Variants in TRUB1 observed in about 807,000 individuals in gnomAD.
TRUB1 encodes TruB pseudouridine synthase family member 1.
TRUB1 carries 23 observed loss-of-function variants against 33.9 expected under a neutral mutation model. The ratio of observed to expected loss-of-function variants is 0.68; its 90% confidence interval spans 0.49 to 0.96. The LOEUF is 0.96. Ranked by LOEUF, TRUB1 falls within the 40% of genes least tolerant of loss-of-function variation. TRUB1 has a pLI of 0.00. For synonymous variants in TRUB1, 163 were observed against 165.4 expected, an observed-to-expected ratio of 0.99 and a Z score of 0.11; for missense variants, 378 against 422.2, an observed-to-expected ratio of 0.90 and a Z score of 0.92.
intron 3 of TRUB1, among the ~76,000 whole-genome samples, chr10:114,957,625 G>A (rs2084267211): frequency 6.6e-6 from 1 of 152,180 alleles, no homozygotes; most frequent in African/African-American, 2.4e-5. Flanking sequence ...GCTGAATAAG[G>A]TTTGATCCTT....
intron 2 of TRUB1, among the ~76,000 whole-genome samples, chr10:114,947,700 CTTTATT>C (rs2084217115): frequency 1.3e-5 from 2 of 152,072 alleles, no homozygotes; most frequent in Admixed American, 1.3e-4. Context: ...TCTTTGTAAA[CTTTATT>C]TTTAATGGCT....
At chr10:114,952,231 G>A (rs1359869499) in intron 3 of TRUB1, among the ~76,000 whole-genome samples, 1 of 151,990 alleles carries the variant, frequency 6.6e-6, no homozygotes, top group Non-Finnish European at 1.5e-5. Context: ...TTGAGGTCAG[G>A]ATTTCGAGAC....
intron 4 of TRUB1, among the ~76,000 whole-genome samples, chr10:114,962,627 G>T (rs1430579432): frequency 2.0e-5 from 3 of 152,192 alleles, no homozygotes; most frequent in Non-Finnish European, 4.4e-5. Context: ...GACACCAGCT[G>T]CCTTCAGTGG....
chr10:114,974,255 T>G (rs2084350014), intron 6 of TRUB1, 74 bp from the exon 7 acceptor site: 3 of 1,101,228 alleles, frequency 2.7e-6, no homozygotes, highest in African/African-American at 3.2e-5. Flanking sequence ...TACATTTGTT[T>G]AGGGACATCA....
chr10:114,970,362 T>TG lies in TRUB1; in HGVS notation c.524-4dup, dbSNP rs998494450. On this transcript the variant is annotated splice_region_variant and splice_polypyrimidine_tract_variant and intron_variant, in intron 4 of 7. Coordinates refer to ENST00000298746, the MANE Select transcript of TRUB1 (RefSeq NM_139169.5). ...TTTTAGTGTCTTTTTTGTTGATTTT[T>TG]GGCAGATAAAATAACACAAGAAGAT... The TG allele has an allele frequency of 6.2e-7, 1 of 1,600,746 alleles. No homozygotes were observed. The highest frequency in any genetic ancestry group is 8.5e-7 in the Non-Finnish European group (1 of 1,169,904).
At chr10:114,950,751 T>C (rs2084231582) in intron 2 of TRUB1, among the ~76,000 whole-genome samples, 1 of 152,230 alleles carries the variant, frequency 6.6e-6, no homozygotes, top group Admixed American at 6.5e-5. Context: ...TGAACATGGT[T>C]AATTGTGCCG....
rs1213766269 is a variant in TRUB1, at chr10:114,959,738, A to G, written c.454A>G (p.Ile152Val). The change falls in exon 4 of 8, where the codon ATT (isoleucine) becomes GTT (valine). Residue 152 changes from isoleucine to valine, a missense_variant. Ile to Val is a conservative substitution (Grantham distance 29, BLOSUM62 3). Transcript: ENST00000298746. ...MLSGSKRYTAIGELGKATDTL... is the reference protein window; with the variant it reads ...MLSGSKRYTAVGELGKATDTL... ...TCCCTTCCTCTAGAGATATACTGCC[A>G]TTGGAGAACTGGGGAAAGCTACTGA... The G allele has an allele frequency of 5.0e-6, 8 of 1,607,510 alleles. No individual in the cohort carries two copies. The highest frequency in any genetic ancestry group is 6.8e-6 in the Non-Finnish European group (8 of 1,174,152).
intron 4 of TRUB1, among the ~76,000 whole-genome samples, chr10:114,969,973 T>TA (rs560184806): frequency 1.2e-3 from 184 of 152,318 alleles, no homozygotes; most frequent in Non-Finnish European, 2.4e-3. Context: ...GAAAAGAACT[T>TA]ACGGGGATTA....
At chr10:114,958,195 C>G (rs1203746329) in intron 3 of TRUB1, among the ~76,000 whole-genome samples, 1 of 152,196 alleles carries the variant, frequency 6.6e-6, no homozygotes, top group African/African-American at 2.4e-5. Context: ...TGTTGTACTT[C>G]TCTCATACTT....
At position 114,938,359 on chromosome 10, in the gene TRUB1, T is replaced by C; in HGVS notation, c.106T>C (p.Ser36Pro). ...GTVAAMAATPSARAAAAVVAA... is the reference protein window; with the variant it reads ...GTVAAMAATPPARAAAAVVAA... ...GGTCGCAGCAATGGCTGCGACCCCG[T>C]CAGCAAGGGCTGCAGCCGCGGTGGT... Residue 36 changes from serine to proline, a missense_variant, in exon 1 of 8, where the codon TCA becomes CCA. Coordinates refer to ENST00000298746, the MANE Select transcript of TRUB1 (RefSeq NM_139169.5). 6.2e-7 allele frequency: 1 copy of C among 1,611,230 alleles called. No homozygotes were observed. Among genetic ancestry groups the C allele is most frequent in the Non-Finnish European group, 8.5e-7 (1 of 1,178,932 alleles).
At chr10:114,972,355 G>C in intron 6 of TRUB1, 81 bp downstream of exon 6, 1 of 1,402,986 alleles carries the variant, frequency 7.1e-7, no homozygotes, top group Non-Finnish European at 9.6e-7. Flanking sequence ...CATTTTAATA[G>C]ATCCGTAGGA....
intron 3 of TRUB1, among the ~76,000 whole-genome samples, chr10:114,954,966 C>G (rs1205155750): frequency 6.6e-6 from 1 of 151,420 alleles, no homozygotes; most frequent in African/African-American, 2.4e-5. Flanking sequence ...ATATTGCACT[C>G]ATCAGAAAGA....
At chr10:114,955,657 T>A (rs2084258700) in intron 3 of TRUB1, among the ~76,000 whole-genome samples, 1 of 152,150 alleles carries the variant, frequency 6.6e-6, no homozygotes, top group Non-Finnish European at 1.5e-5. Flanking sequence ...CACAGTAACA[T>A]TTTTAGGTTA....
At chr10:114,956,290 C>T (rs1253162685) in intron 3 of TRUB1, among the ~76,000 whole-genome samples, 4 of 152,130 alleles carry the variant, frequency 2.6e-5, no homozygotes, top group Non-Finnish European at 5.9e-5. Context: ...GTAGAATTCA[C>T]GGTTCCCAGG....
chr10:114,951,946 TA>T (rs995546565), intron 3 of TRUB1, among the ~76,000 whole-genome samples: 2 of 152,220 alleles, frequency 1.3e-5, no homozygotes, highest in South Asian at 2.1e-4. Context: ...TTTGTTTCTT[TA>T]AAAAAATCTG....
chr10:114,965,130 C>T (rs1002884811), intron 4 of TRUB1, among the ~76,000 whole-genome samples: 6 of 151,894 alleles, frequency 4.0e-5, no homozygotes, highest in African/African-American at 9.7e-5. Flanking sequence ...GAGGTTTCAC[C>T]GTGTTAGCCA....
chr10:114,952,310 A>G (rs1222507997), intron 3 of TRUB1, among the ~76,000 whole-genome samples: 2 of 152,192 alleles, frequency 1.3e-5, no homozygotes, highest in Admixed American at 1.3e-4. Flanking sequence ...GCGTGGTGCT[A>G]TACACCTTTA....
At chr10:114,948,872 A>G (rs888278275) in intron 2 of TRUB1, among the ~76,000 whole-genome samples, 25 of 152,178 alleles carry the variant, frequency 1.6e-4, no homozygotes, top group African/African-American at 6.0e-4. Context: ...TCATCCTTGT[A>G]TCTGAGAGTT....
chr10:114,974,282 A>G, intron 6 of TRUB1, 47 bp from the exon 7 acceptor site: 1 of 1,432,806 alleles, frequency 7.0e-7, no homozygotes, highest in Non-Finnish European at 9.8e-7. Context: ...TGTAAAGTGG[A>G]TTTCATAGGA....
Sources: allele counts gnomAD v4.1 joint callset (sites outside exome capture counted in the v4.1 genomes callset), GRCh38; gene constraint gnomAD v4.1.1; transcripts MANE v1.5; gene names NCBI Gene and HGNC (gene_info 2026-07-23, HGNC 2026-07-21).